PGS1: variants seen among roughly 807,000 people sequenced by gnomAD.
PGS1 encodes CDP-diacylglycerol--glycerol-3-phosphate 3-phosphatidyltransferase, mitochondrial.
PGS1 carries 44 observed loss-of-function variants against 58.3 expected under a neutral mutation model. That is an observed-to-expected ratio of 0.75 (90% CI 0.59 to 0.97). PGS1 has a LOEUF of 0.97. Ranked by LOEUF, PGS1 falls within the 50% of genes least tolerant of loss-of-function variation. The pLI is 0.00. For synonymous variants in PGS1, 330 were observed against 311.0 expected (o/e 1.06, Z -0.64); for missense variants, 684 against 731.1 (o/e 0.94, Z 0.74).
chr17:78,379,660 C>T (rs1315307101), intron 1 of PGS1, among the ~76,000 whole-genome samples: 1 of 151,830 alleles, frequency 6.6e-6, no homozygotes, highest in East Asian at 2.0e-4. Flanking sequence ...ACCGTCTCTA[C>T]TAAAAATACA....
At chr17:78,409,771 T>A (rs1429404106) in intron 7 of PGS1, among the ~76,000 whole-genome samples, 2 of 151,998 alleles carry the variant, frequency 1.3e-5, no homozygotes, top group Non-Finnish European at 2.9e-5. Flanking sequence ...GAGGGAGGAG[T>A]ATGTGTTCAT....
intron 1 of PGS1, among the ~76,000 whole-genome samples, chr17:78,379,920 G>A (rs1302936445): frequency 1.3e-5 from 2 of 150,148 alleles, no homozygotes; most frequent in Non-Finnish European, 3.0e-5. Flanking sequence ...AGACTGGAGT[G>A]CAATGGCGCA....
At chr17:78,405,327 C>G (rs1020900083) in intron 7 of PGS1, among the ~76,000 whole-genome samples, 3 of 152,160 alleles carry the variant, frequency 2.0e-5, no homozygotes, top group Admixed American at 2.0e-4. Context: ...AAAGAAGATT[C>G]ATTAGGGATC....
At chr17:78,385,343 C>T (rs1002939955) in intron 1 of PGS1, among the ~76,000 whole-genome samples, 3 of 150,490 alleles carry the variant, frequency 2.0e-5, no homozygotes, top group African/African-American at 7.4e-5. Context: ...GGTCAGAGTG[C>T]AGTGGCATGA....
Position 78,388,690 on chromosome 17 carries a change from C to G in PGS1, c.144-3786C>G, listed in dbSNP as rs555882962. Reference sequence around the variant, plus strand: ...CCTTCACACTTCCTGCCTGAAACACCCTCCCCTCTGAGTTCCTTGTTTGAA... The same window carrying G: ...CCTTCACACTTCCTGCCTGAAACACGCTCCCCTCTGAGTTCCTTGTTTGAA... On this transcript the variant is annotated intron_variant, in intron 1 of 9. Coordinates refer to ENST00000262764, the MANE Select transcript of PGS1 (RefSeq NM_024419.5). 2.0e-5 allele frequency among the ~76,000 whole-genome samples: 3 copies of G among 152,072 alleles called. No homozygotes were observed. In the South Asian group the frequency reaches 6.2e-4, roughly 32 times the overall value.
In PGS1 at chr17:78,424,162, A is replaced by G. The variant is rs1040462668; in HGVS notation, c.*112A>G. 1 of 1,605,286 alleles carries G rather than the reference A, an allele frequency of 6.2e-7. No homozygotes were observed. Among genetic ancestry groups the G allele is most frequent in the Non-Finnish European group, 8.5e-7 (1 of 1,176,064 alleles). ...GGTGTCCCAGCGAGCCCCTGCAGGGACAGTATGGCTGAGGGTCAGGTGTGC... is the reference window on the plus strand; with the variant it reads ...GGTGTCCCAGCGAGCCCCTGCAGGGGCAGTATGGCTGAGGGTCAGGTGTGC... On this transcript the variant is annotated 3_prime_UTR_variant, in exon 10 of 10. Coordinates refer to ENST00000262764, the MANE Select transcript of PGS1 (RefSeq NM_024419.5).
intron 7 of PGS1, among the ~76,000 whole-genome samples, chr17:78,408,521 C>T (rs1345062048): frequency 2.0e-5 from 3 of 152,088 alleles, no homozygotes; most frequent in Non-Finnish European, 4.4e-5. Flanking sequence ...CTTGGTGGGG[C>T]GCGTGGAGGT....
At chr17:78,405,106 T>C (rs527280079) in intron 7 of PGS1, among the ~76,000 whole-genome samples, 1 of 152,298 alleles carries the variant, frequency 6.6e-6, no homozygotes, top group East Asian at 1.9e-4. Context: ...CAAATGATTC[T>C]TGTGCCTCAG....
chr17:78,393,279 C>G (rs2082968745), intron 2 of PGS1, among the ~76,000 whole-genome samples: 2 of 151,080 alleles, frequency 1.3e-5, no homozygotes, highest in African/African-American at 4.9e-5. Context: ...CCAGGATGGT[C>G]TCGATCTCCT....
chr17:78,380,481 A>C (rs2081964011), intron 1 of PGS1, among the ~76,000 whole-genome samples: 1 of 152,252 alleles, frequency 6.6e-6, no homozygotes. Flanking sequence ...GAAACCTGCT[A>C]GGTTTCACGT....
At chr17:78,405,368 T>C (rs1249894589) in intron 7 of PGS1, among the ~76,000 whole-genome samples, 1 of 152,216 alleles carries the variant, frequency 6.6e-6, no homozygotes, top group Non-Finnish European at 1.5e-5. Flanking sequence ...CCCAGTTTTC[T>C]TGTCTTTTCC....
chr17:78,394,493 G>A (rs955274924), intron 2 of PGS1, among the ~76,000 whole-genome samples: 2 of 152,080 alleles, frequency 1.3e-5, no homozygotes, highest in Non-Finnish European at 2.9e-5. Flanking sequence ...TGCTGCAACT[G>A]TTGGCTCTTT....
chr17:78,416,030 G>A (rs2085157690), intron 8 of PGS1, among the ~76,000 whole-genome samples: 1 of 152,178 alleles, frequency 6.6e-6, no homozygotes, highest in Admixed American at 6.5e-5. Flanking sequence ...GTTGATGGAC[G>A]AGGAAATGGT....
At chr17:78,419,721 C>T (rs2085521999) in intron 9 of PGS1, 46 bp downstream of exon 9, 1 of 1,606,438 alleles carries the variant, frequency 6.2e-7, no homozygotes. Context: ...CCCGAGAGTT[C>T]ACAGGTGGGG....
chr17:78,417,241 G>C (rs1341290704), intron 8 of PGS1, among the ~76,000 whole-genome samples: 3 of 152,160 alleles, frequency 2.0e-5, no homozygotes, highest in African/African-American at 4.8e-5. Flanking sequence ...TTGCAATCTT[G>C]GCCGGGTATT....
rs373287946 is a variant in PGS1 at position 78,422,469 on chromosome 17, C to G, written c.*11-1592C>G. Among the ~76,000 whole-genome samples, 61 of 125,448 alleles carry G rather than the reference C, an allele frequency of 4.9e-4. No homozygotes were observed. In the South Asian group the frequency reaches 0.014, roughly 29 times the overall value. 82.3% of individuals were successfully genotyped at this position (125,448 alleles called of 152,430 possible). A position where few individuals can be genotyped will look rare whatever the true frequency, so the allele number is the denominator to read the frequency against. On this transcript the variant is annotated intron_variant, in intron 9 of 9. Coordinates refer to ENST00000262764, the MANE Select transcript of PGS1 (RefSeq NM_024419.5). Reference sequence around the variant, plus strand: ...TGCAAAACTTGATGATCAAGCTGAACGTAGAACGATATTCCTAATGGGTGT... The same window carrying G: ...TGCAAAACTTGATGATCAAGCTGAAGGTAGAACGATATTCCTAATGGGTGT...
intron 9 of PGS1, 137 bp downstream of exon 9, chr17:78,419,812 A>AG (rs1355922914): frequency 1.4e-6 from 2 of 1,475,738 alleles, no homozygotes; most frequent in Non-Finnish European, 1.8e-6. Context: ...CAGCATCTTC[A>AG]GGGGTATGGC....
rs759927553 is a variant in PGS1 at position 78,415,012 on chromosome 17, G to A, written c.1536G>A (p.Gln512=). ...IAIVTENQAL[Q]QQLHQEQEQL... ...TCGTGACGGAGAACCAGGCCCTGCA[G>A]CAGCAGCTTCACCAGGTTGGTCGCA... Residue 512 remains glutamine, a synonymous_variant, in exon 8 of 10, where the codon CAG becomes CAA. Transcript: ENST00000262764. 6.8e-6 allele frequency: 11 copies of A among 1,613,064 alleles called. No individual in the cohort carries two copies. The highest frequency in any genetic ancestry group is 8.5e-6 in the Non-Finnish European group (10 of 1,180,024).
chr17:78,419,771 T>C, intron 9 of PGS1, 96 bp downstream of exon 9: 2 of 1,571,152 alleles, frequency 1.3e-6, no homozygotes, highest in Admixed American at 3.4e-5. Flanking sequence ...TCCAGAGGGC[T>C]CTTTGATCCC....
Sources: allele counts gnomAD v4.1 joint callset (sites outside exome capture counted in the v4.1 genomes callset), GRCh38; gene constraint gnomAD v4.1.1; transcripts MANE v1.5; gene names NCBI Gene and HGNC (gene_info 2026-07-23, HGNC 2026-07-21).